PIK3R1: variants seen among roughly 807,000 people sequenced by gnomAD.
The protein encoded by PIK3R1 is phosphoinositide-3-kinase regulatory subunit 1, also known as phosphatidylinositol 3-kinase regulatory subunit alpha.
PIK3R1 carries 29 observed loss-of-function variants against 98.0 expected under a neutral mutation model. The ratio of observed to expected loss-of-function variants is 0.30; its 90% CI spans 0.22 to 0.40. PIK3R1 has a LOEUF of 0.40. PIK3R1 is among the 10% of genes least tolerant of loss of function. The probability of loss-of-function intolerance (pLI) is 1.00; values close to 1 mark genes in which losing one functional copy is unlikely to be tolerated. For missense variants in PIK3R1, 596 were observed against 872.7 expected (o/e 0.68, Z 3.99); for synonymous variants, 282 against 311.8 (o/e 0.90, Z 1.01).
intron 2 of PIK3R1, 78 bp downstream of exon 2, chr5:68,227,087 C>A: frequency 7.5e-7 from 1 of 1,330,962 alleles, no homozygotes. Flanking sequence ...TGGGTTGAGT[C>A]GTTATGTTCT....
intron 2 of PIK3R1, among the ~76,000 whole-genome samples, chr5:68,242,433 C>A (rs1744905131): frequency 6.6e-6 from 1 of 151,510 alleles, no homozygotes; most frequent in Admixed American, 6.6e-5. Context: ...ATATCATCAA[C>A]CTGGGTTTAA....
intron 2 of PIK3R1, among the ~76,000 whole-genome samples, chr5:68,265,455 G>A (rs1580224912): frequency 6.6e-6 from 1 of 152,208 alleles, no homozygotes; most frequent in East Asian, 1.9e-4. Context: ...CAGGGTGCCA[G>A]TGTGGTTGGG....
chr5:68,274,065 C>T (rs1383842734), intron 4 of PIK3R1, 52 bp downstream of exon 4: 1 of 1,373,498 alleles, frequency 7.3e-7, no homozygotes, highest in East Asian at 2.3e-5. Flanking sequence ...TCTTGGCTTT[C>T]TGTTTCAGGT....
At chr5:68,282,486 A>C (rs1253963019) in intron 7 of PIK3R1, among the ~76,000 whole-genome samples, 1 of 152,190 alleles carries the variant, frequency 6.6e-6, no homozygotes, top group African/African-American at 2.4e-5. Flanking sequence ...AAAGCCAGAC[A>C]GGGTTTGACA....
chr5:68,288,319 C>A (rs945429346), intron 7 of PIK3R1: 3 of 766,184 alleles, frequency 3.9e-6, no homozygotes, highest in Non-Finnish European at 4.9e-6. Flanking sequence ...TCCCGAAATC[C>A]CTAGCTCAGC....
rs184712163 is a variant in PIK3R1 at position 68,245,624 on chromosome 5, C to T, written c.334+18615C>T. Among the ~76,000 whole-genome samples the T allele has an allele frequency of 9.9e-4, 150 of 152,166 alleles. 4 individuals are homozygous for T. Among genetic ancestry groups the T allele is most frequent in the Non-Finnish European group, 5.0e-4 (34 of 68,006 alleles). On this transcript the variant is annotated intron_variant, in intron 2 of 15. Coordinates refer to ENST00000521381, the MANE Select transcript of PIK3R1 (RefSeq NM_181523.3). ...TCATCTGTAAAATAGAATTGATGAC[C>T]TCTACCAAGCCAAGGATTTCAGTGA...
intron 1 of PIK3R1, among the ~76,000 whole-genome samples, chr5:68,216,300 G>A (rs1269082730): frequency 2.0e-5 from 3 of 152,204 alleles, no homozygotes; most frequent in Admixed American, 6.5e-5. Context: ...CACTTCGGAG[G>A]GTCCCCGCTG....
At chr5:68,235,471 A>G (rs1419003726) in intron 2 of PIK3R1, among the ~76,000 whole-genome samples, 1 of 152,130 alleles carries the variant, frequency 6.6e-6, no homozygotes, top group Non-Finnish European at 1.5e-5. Flanking sequence ...AGAATTTTTT[A>G]TCAGTAAACA....
rs1218229603 is a variant in PIK3R1, at chr5:68,295,452, A to G, written c.1778A>G (p.Lys593Arg). The stretch of plus-strand genomic sequence containing the variant: ...ACTCAAAAAGGTGTTCGGCAAAAGA[A>G]GTTGAACGAGTGGTTGGGCAATGAA... ...WLTQKGVRQK[K>R]LNEWLGNENT... is the part of the protein sequence containing the mutation. Residue 593 changes from lysine to arginine, a missense_variant, in exon 14 of 16, where the codon AAG becomes AGG. Lys to Arg is a conservative substitution (Grantham distance 26, BLOSUM62 2). Coordinates refer to ENST00000521381, the MANE Select transcript of PIK3R1 (RefSeq NM_181523.3). 6.2e-7 allele frequency: 1 copy of G among 1,614,086 alleles called. No individual in the cohort carries two copies. Among genetic ancestry groups the G allele is most frequent in the Non-Finnish European group, 8.5e-7 (1 of 1,180,030 alleles).
chr5:68,297,308 C>T, intron 15 of PIK3R1, 104 bp from the exon 16 acceptor site: 2 of 1,004,226 alleles, frequency 2.0e-6, no homozygotes, highest in Middle Eastern at 2.2e-4. Flanking sequence ...GACCCTTTCC[C>T]CAAGTTGAGA....
intron 4 of PIK3R1, among the ~76,000 whole-genome samples, chr5:68,274,215 G>A (rs1746479448): frequency 6.6e-6 from 1 of 152,180 alleles, no homozygotes; most frequent in Admixed American, 6.5e-5. Context: ...GGCTGCAAGT[G>A]TGTGCACGCC....
intron 7 of PIK3R1, chr5:68,288,604 G>T: frequency 3.9e-6 from 6 of 1,556,214 alleles, no homozygotes; most frequent in Non-Finnish European, 5.2e-6. Context: ...CTCGGCGCCG[G>T]ACACGAGCAC....
intron 2 of PIK3R1, among the ~76,000 whole-genome samples, chr5:68,270,322 A>G (rs1187710467): frequency 6.6e-6 from 1 of 152,212 alleles, no homozygotes; most frequent in African/African-American, 2.4e-5. Context: ...ATGAAGAAAG[A>G]GCTGGAAATC....
At chr5:68,269,592 G>A (rs1458433301) in intron 2 of PIK3R1, among the ~76,000 whole-genome samples, 1 of 152,056 alleles carries the variant, frequency 6.6e-6, no homozygotes, top group Non-Finnish European at 1.5e-5. Flanking sequence ...GTCATTTCCT[G>A]TTGGAATTTC....
chr5:68,284,340 T>G (rs1336496045), intron 7 of PIK3R1, among the ~76,000 whole-genome samples: 1 of 152,174 alleles, frequency 6.6e-6, no homozygotes, highest in African/African-American at 2.4e-5. Flanking sequence ...AGCTACGGCC[T>G]CTAGGAGCCT....
chr5:68,237,424 G>A (rs920465129), intron 2 of PIK3R1, among the ~76,000 whole-genome samples: 2 of 152,224 alleles, frequency 1.3e-5, no homozygotes, highest in African/African-American at 2.4e-5. Context: ...AATTCCAAGG[G>A]CAGAGGGGTG....
rs367923318 is a variant in PIK3R1 at position 68,273,401 on chromosome 5, C to T, written c.346C>T (p.Pro116Ser). Residue 116 changes from proline (P) to serine (S), a missense_variant, in exon 3 of 16, where the codon CCG becomes TCG. Physicochemically the swap from Pro to Ser is moderately conservative, Grantham distance 74. This residue lies in a region of PIK3R1 where 352 missense variants were observed against 393.3 expected (regional missense o/e 0.90). Coordinates refer to ENST00000521381, the MANE Select transcript of PIK3R1 (RefSeq NM_181523.3). ...TTTGTTGTTTGCAGCTTTGACTCTC[C>T]CGGATCTTGCAGAGCAGTTTGCCCC... ...ADVEQQALTL[P>S]DLAEQFAPPD... 4 of 1,614,002 alleles carry T rather than the reference C, an allele frequency of 2.5e-6. No individual in the cohort carries two copies. The East Asian group carries it at 8.9e-5, about 36-fold the overall frequency.
At chr5:68,239,644 C>T (rs1284946439) in intron 2 of PIK3R1, among the ~76,000 whole-genome samples, 4 of 152,160 alleles carry the variant, frequency 2.6e-5, no homozygotes, top group Non-Finnish European at 1.5e-5. Flanking sequence ...GACTGTTGAC[C>T]CAATGCTCTT....
intron 2 of PIK3R1, among the ~76,000 whole-genome samples, chr5:68,245,495 G>T (rs144044046): frequency 6.6e-6 from 1 of 152,100 alleles, no homozygotes; most frequent in Admixed American, 6.5e-5. Context: ...TAGGCTGGAC[G>T]TCTCAGAGTT....
Sources: gnomAD v4.1 joint callset for allele counts (sites outside exome capture counted in the v4.1 genomes callset) on GRCh38, gnomAD v4.1.1 for gene constraint, gnomAD v4.1.1 regional missense constraint, MANE v1.5 for transcripts, NCBI Gene and HGNC (gene_info 2026-07-23, HGNC 2026-07-21) for gene names.